Variants in BEND3 observed in about 807,000 individuals in gnomAD.
BEND3 encodes BEN domain containing 3.
A neutral mutation model predicts 60.1 loss-of-function variants in BEND3; 13 were observed. That is an observed-to-expected ratio of 0.22 (90% CI 0.14 to 0.34). The LOEUF (loss-of-function observed/expected upper bound fraction) is 0.34. BEND3 is among the 10% of genes least tolerant of loss of function. The pLI, the probability that BEND3 is intolerant of heterozygous loss-of-function variation, is 1.00. For missense variants in BEND3, 896 were observed against 1,138.1 expected (o/e 0.79, Z 3.06); for synonymous variants, 497 against 491.5 (o/e 1.01, Z -0.15).
At chr6:107,074,332 T>C (rs1554232497) in intron 3 of BEND3, among the ~76,000 whole-genome samples, 1 of 152,060 alleles carries the variant, frequency 6.6e-6, no homozygotes, top group East Asian at 1.9e-4. Flanking sequence ...GGAGAACTGC[T>C]TGAACCTGGG....
intron 3 of BEND3, among the ~76,000 whole-genome samples, chr6:107,093,021 G>T (rs1236611209): frequency 6.6e-6 from 1 of 152,090 alleles, no homozygotes; most frequent in Non-Finnish European, 1.5e-5. Context: ...TCATAAAGAG[G>T]CAGACTCAGT....
chr6:107,077,290 T>C (rs1775120065), intron 3 of BEND3, among the ~76,000 whole-genome samples: 1 of 152,082 alleles, frequency 6.6e-6, no homozygotes, highest in African/African-American at 2.4e-5. Context: ...TTTTTTTAAA[T>C]TAAATCAGAG....
At chr6:107,099,709 G>T (rs945531767) in intron 1 of BEND3, among the ~76,000 whole-genome samples, 20 of 152,262 alleles carry the variant, frequency 1.3e-4, no homozygotes, top group African/African-American at 3.9e-4. Context: ...AGGACTTACG[G>T]TTGTCAAGAG....
At chr6:107,098,124 A>G (rs1304342702) in intron 3 of BEND3, among the ~76,000 whole-genome samples, 1 of 152,236 alleles carries the variant, frequency 6.6e-6, no homozygotes, top group Non-Finnish European at 1.5e-5. Context: ...AGCCTGGGCA[A>G]CATAGTGAGA....
At chr6:107,114,816 T>C (rs1289872206) in intron 1 of BEND3, among the ~76,000 whole-genome samples, 1 of 146,588 alleles carries the variant, frequency 6.8e-6, no homozygotes, top group Non-Finnish European at 1.5e-5. Context: ...CAGAACGCCA[T>C]GGAGCCGCCG....
At chr6:107,108,440 C>A (rs1775869407) in intron 1 of BEND3, among the ~76,000 whole-genome samples, 1 of 152,208 alleles carries the variant, frequency 6.6e-6, no homozygotes, top group Non-Finnish European at 1.5e-5. Context: ...ACCGCACATT[C>A]CAGCATCCAG....
chr6:107,112,933 C>G (rs927918082), intron 1 of BEND3, among the ~76,000 whole-genome samples: 1 of 149,962 alleles, frequency 6.7e-6, no homozygotes, highest in African/African-American at 2.5e-5. Context: ...CCAAGGTGAG[C>G]GGATCATGAG....
intron 3 of BEND3, among the ~76,000 whole-genome samples, chr6:107,081,888 A>G (rs543054871): frequency 6.6e-6 from 1 of 152,246 alleles, no homozygotes; most frequent in East Asian, 1.9e-4. Flanking sequence ...GTGTTGAGTG[A>G]AAGGGTGAAG....
At chr6:107,108,148 G>A (rs139362962) in intron 1 of BEND3, among the ~76,000 whole-genome samples, 1 of 152,232 alleles carries the variant, frequency 6.6e-6, no homozygotes, top group African/African-American at 2.4e-5. Context: ...TTCTAAAGCT[G>A]TAATTGTAGC....
intron 1 of BEND3, among the ~76,000 whole-genome samples, chr6:107,107,472 T>A (rs1340851549): frequency 3.3e-5 from 5 of 152,074 alleles, no homozygotes; most frequent in Non-Finnish European, 7.4e-5. Flanking sequence ...TTTATTTTTT[T>A]ATTTTTTTGA....
In BEND3 at chr6:107,085,645, C is replaced by G. The variant is rs145536797; in HGVS notation, c.240+12906G>C. On this transcript the variant is annotated intron_variant, in intron 3 of 3. Coordinates refer to ENST00000369042, the MANE Select transcript of BEND3 (RefSeq NM_001367314.1). ...TAGCTGGGACTACAGGCGCCTGCCA[C>G]CACGCCTGACTAATTTTTTGTATTT... Among the ~76,000 whole-genome samples the G allele has an allele frequency of 9.6e-3, 1,457 of 151,924 alleles. 28 individuals are homozygous for G. The highest frequency in any genetic ancestry group is 0.034 in the African/African-American group (1,390 of 41,420).
At chr6:107,103,182 A>T (rs1296996039) in intron 1 of BEND3, among the ~76,000 whole-genome samples, 2 of 152,178 alleles carry the variant, frequency 1.3e-5, no homozygotes, top group African/African-American at 4.8e-5. Context: ...AGAGATGTGT[A>T]GGCCACTCCC....
At chr6:107,080,369 A>AC (rs1232676635) in intron 3 of BEND3, among the ~76,000 whole-genome samples, 1 of 145,762 alleles carries the variant, frequency 6.9e-6, no homozygotes, top group Non-Finnish European at 1.5e-5. Context: ...AAAAAAAAAA[A>AC]AAAAAAAACA....
chr6:107,108,049 G>A (rs1455880134), intron 1 of BEND3, among the ~76,000 whole-genome samples: 1 of 152,130 alleles, frequency 6.6e-6, no homozygotes, highest in Non-Finnish European at 1.5e-5. Context: ...GGACATGTTC[G>A]CAATTTGTTT....
intron 3 of BEND3, among the ~76,000 whole-genome samples, chr6:107,073,656 T>G (rs1562300705): frequency 6.6e-6 from 1 of 152,060 alleles, no homozygotes; most frequent in Non-Finnish European, 1.5e-5. Context: ...CCCAGTATTT[T>G]GGGAGGCTGA....
chr6:107,068,890 G>A lies in BEND3; in HGVS notation c.2301C>T (p.Cys767=). The change falls in exon 4 of 4, where the codon TGC becomes TGT. Residue 767 remains cysteine (C), a synonymous_variant. Transcript: ENST00000369042. The surrounding 1 kb of genome is among the most constrained non-coding windows in gnomAD (Gnocchi z 5.8). ...GCGTGGGGTCCAGTTGCTTCTTGTT[G>A]CAAGCCCCGGAATGGTTGTACTGCA... ...LRLQYNHSGA[C]NKKQLDPTRL... 1.9e-6 allele frequency: 3 copies of A among 1,613,790 alleles called. No homozygotes were observed. Among genetic ancestry groups the A allele is most frequent in the South Asian group, 1.1e-5 (1 of 91,034 alleles).
intron 3 of BEND3, 46 bp downstream of exon 3, chr6:107,098,505 A>G (rs1554236302): frequency 6.3e-7 from 1 of 1,584,934 alleles, no homozygotes; most frequent in South Asian, 1.1e-5. Flanking sequence ...ATGGAATCAG[A>G]GAGGGTTAGA....
chr6:107,076,970 C>T (rs563581404), intron 3 of BEND3, among the ~76,000 whole-genome samples: 6 of 152,202 alleles, frequency 3.9e-5, no homozygotes, highest in African/African-American at 1.4e-4. Flanking sequence ...ACCACAGCCT[C>T]CCAAGTAGTT....
chr6:107,068,526 G>A lies in BEND3; in HGVS notation c.*178C>T. The A allele has an allele frequency of 1.4e-6, 1 of 697,070 alleles. No individual in the cohort carries two copies. The highest frequency in any genetic ancestry group is 2.0e-5 in the South Asian group (1 of 49,926). 43.2% of individuals were successfully genotyped at this position (697,070 alleles called of 1,614,324 possible). The stretch of plus-strand genomic sequence containing the variant: ...TGTAAGTACAAGAGACCAAACTCAA[G>A]GCTTCTTTCTTGCGGTTGGGTGGGT... On this transcript the variant is annotated 3_prime_UTR_variant, in exon 4 of 4. Coordinates refer to ENST00000369042, the MANE Select transcript of BEND3 (RefSeq NM_001367314.1). This position sits in a 1 kb window ranked among gnomAD's most constrained non-coding sequence, Gnocchi z 5.8.
Sources: gnomAD v4.1 joint callset for allele counts (sites outside exome capture counted in the v4.1 genomes callset) on GRCh38, gnomAD v4.1.1 for gene constraint, Gnocchi (gnomAD v3.1) non-coding constraint, MANE v1.5 for transcripts, NCBI Gene and HGNC (gene_info 2026-07-23, HGNC 2026-07-21) for gene names.